PUM2: variants seen among roughly 807,000 people sequenced by gnomAD.
PUM2 encodes the protein pumilio homolog 2.
PUM2 carries 57 observed loss-of-function variants against 124.5 expected under a neutral mutation model. The ratio of observed to expected loss-of-function variants is 0.46; its 90% CI spans 0.37 to 0.57. PUM2 has a LOEUF of 0.57. Ranked by LOEUF, PUM2 falls within the 20% of genes least tolerant of loss-of-function variation. PUM2 has a pLI of 0.00. For missense variants in PUM2, 1,065 were observed against 1,290.6 expected (o/e 0.83, Z 2.68); for synonymous variants, 460 against 446.1 (o/e 1.03, Z -0.39).
At chr2:20,315,057 C>T (rs1285364884) in intron 3 of PUM2, among the ~76,000 whole-genome samples, 1 of 99,052 alleles carries the variant, frequency 1.0e-5, no homozygotes, top group Non-Finnish European at 1.9e-5. Context: ...AGGAAGTGTG[C>T]TTCTTTTTTT....
At chr2:20,251,758 A>T in intron 20 of PUM2, 42 bp from the exon 21 acceptor site, 2 of 1,595,354 alleles carry the variant, frequency 1.3e-6, no homozygotes, top group Non-Finnish European at 1.7e-6. Context: ...AAGTCATTTT[A>T]GTTTCTGATT....
At chr2:20,340,922 A>C (rs1687099763) in intron 1 of PUM2, among the ~76,000 whole-genome samples, 1 of 152,224 alleles carries the variant, frequency 6.6e-6, no homozygotes, top group Admixed American at 6.5e-5. Context: ...GGCTGTTGCA[A>C]AGATTAAGTG....
At chr2:20,276,258 CT>C (rs36031998) in intron 13 of PUM2, among the ~76,000 whole-genome samples, 166 of 143,218 alleles carry the variant, frequency 1.2e-3, no homozygotes, top group African/African-American at 2.3e-3. Flanking sequence ...AAAATGAAAA[CT>C]TTTTTTTTTT....
chr2:20,336,754 G>A (rs1207202481), intron 1 of PUM2, among the ~76,000 whole-genome samples: 1 of 13,776 alleles, frequency 7.3e-5, no homozygotes, highest in Non-Finnish European at 1.7e-4. Context: ...TGATCTGTGT[G>A]TGTGTGTGTG....
intron 13 of PUM2, among the ~76,000 whole-genome samples, chr2:20,269,259 G>C (rs1572622949): frequency 1.3e-5 from 2 of 152,170 alleles, no homozygotes; most frequent in East Asian, 3.9e-4. Flanking sequence ...GGAGTGCAGT[G>C]GCACGGTCTC....
In PUM2 at chr2:20,283,367, T is replaced by C; in HGVS notation, c.1411A>G (p.Ile471Val). The change falls in exon 11 of 21, where the codon ATT (isoleucine) becomes GTT (valine). Residue 471 changes from isoleucine (I) to valine (V), a missense_variant. By Grantham distance (29) the Ile-to-Val change is conservative (BLOSUM62 3). Around this residue, in one of 3 missense-constraint regions of PUM2, gnomAD observed 968 missense variants for 1,159.8 expected, o/e 0.83. Transcript: ENST00000361078. ...CCAGCTTGTGCTGCTGCTGAACTAA[T>C]TAAAACAGGTGTTGGAGCCATTAAC... ...VRLMAPTPVL[I>V]SSAAAQAAAA... The C allele has an allele frequency of 6.2e-7, 1 of 1,614,088 alleles. No homozygotes were observed. Among genetic ancestry groups the C allele is most frequent in the Non-Finnish European group, 8.5e-7 (1 of 1,180,026 alleles).
chr2:20,297,308 T>C (rs1417337012), intron 8 of PUM2, among the ~76,000 whole-genome samples: 2 of 152,238 alleles, frequency 1.3e-5, no homozygotes, highest in Non-Finnish European at 2.9e-5. Flanking sequence ...TATAGATTTC[T>C]AAAACTATAA....
intron 16 of PUM2, among the ~76,000 whole-genome samples, chr2:20,256,552 C>T (rs1664808612): frequency 6.6e-6 from 1 of 152,208 alleles, no homozygotes; most frequent in Non-Finnish European, 1.5e-5. Flanking sequence ...TTCAGAATTA[C>T]ACACTTCCGC....
chr2:20,329,188 A>G (rs1029697583), intron 1 of PUM2, among the ~76,000 whole-genome samples: 1 of 151,636 alleles, frequency 6.6e-6, no homozygotes, highest in Non-Finnish European at 1.5e-5. Flanking sequence ...AAAAAAAAAA[A>G]AAAAGATAAG....
At chr2:20,261,343 G>A (rs990955437) in intron 14 of PUM2, among the ~76,000 whole-genome samples, 2 of 131,936 alleles carry the variant, frequency 1.5e-5, no homozygotes, top group Non-Finnish European at 3.1e-5. Context: ...GCAGTGAGCC[G>A]AGATCATGCC....
At chr2:20,340,464 G>A (rs1341067365) in intron 1 of PUM2, among the ~76,000 whole-genome samples, 2 of 152,164 alleles carry the variant, frequency 1.3e-5, no homozygotes, top group African/African-American at 2.4e-5. Flanking sequence ...GATGTAGTCT[G>A]GAAACTCTTC....
At chr2:20,317,124 A>G (rs1681144680) in intron 3 of PUM2, among the ~76,000 whole-genome samples, 1 of 152,024 alleles carries the variant, frequency 6.6e-6, no homozygotes, top group African/African-American at 2.4e-5. Context: ...TTTAGCCCAA[A>G]AGCTTGAGAC....
intron 19 of PUM2, 107 bp from the exon 20 acceptor site, chr2:20,254,121 A>G (rs1664176996): frequency 1.1e-6 from 1 of 930,968 alleles, no homozygotes; most frequent in Non-Finnish European, 1.6e-6. Flanking sequence ...AACAGAAGTC[A>G]GGATGGGATT....
intron 7 of PUM2, among the ~76,000 whole-genome samples, 174 bp downstream of exon 7, chr2:20,307,801 AAAT>A (rs1351356615): frequency 6.6e-6 from 1 of 152,248 alleles, no homozygotes; most frequent in African/African-American, 2.4e-5. Context: ...CCAGTGATGC[AAAT>A]AATAATCAGA....
At chr2:20,348,857 A>C (rs768774822) in intron 1 of PUM2, among the ~76,000 whole-genome samples, 3 of 152,234 alleles carry the variant, frequency 2.0e-5, no homozygotes, top group Non-Finnish European at 2.9e-5. Context: ...GCAGCCCGGG[A>C]CGCGGAGGCT....
At chr2:20,315,161 A>G (rs542971537) in intron 3 of PUM2, among the ~76,000 whole-genome samples, 1 of 151,518 alleles carries the variant, frequency 6.6e-6, no homozygotes, top group East Asian at 1.9e-4. Context: ...TTGACCTCCT[A>G]AAGTGCTGCA....
intron 10 of PUM2, among the ~76,000 whole-genome samples, chr2:20,284,547 A>AG (rs1267596129): frequency 6.6e-5 from 10 of 151,908 alleles, no homozygotes; most frequent in Non-Finnish European, 1.5e-4. Context: ...CTACAGAAAT[A>AG]GGGCCTCACT....
chr2:20,260,745 CTGCTTATT>C (rs1665992939), intron 14 of PUM2, among the ~76,000 whole-genome samples: 1 of 152,074 alleles, frequency 6.6e-6, no homozygotes, highest in African/African-American at 2.4e-5. Flanking sequence ...GTAAATTTTG[CTGCTTATT>C]CATTTATTTT....
rs1191227194 is a variant in PUM2, at chr2:20,290,522, A to T, written c.1291+130T>A. ...TACTGATTTCAATTATTAGCATCTG[A>T]GTTCTAAATATTTTGTTACAAGGTA... On this transcript the variant is annotated intron_variant, in intron 10 of 20. Transcript: ENST00000361078. The T allele has an allele frequency of 3.3e-6, 3 of 905,604 alleles. No homozygotes were observed. The East Asian group carries it at 8.2e-5, about 25-fold the overall frequency. 56.1% of individuals were successfully genotyped at this position (905,604 alleles called of 1,614,324 possible). A position where few individuals can be genotyped will look rare whatever the true frequency, so the allele number is the denominator to read the frequency against.
Sources: allele counts gnomAD v4.1 joint callset (sites outside exome capture counted in the v4.1 genomes callset), GRCh38; gene constraint gnomAD v4.1.1; regional missense constraint gnomAD v4.1.1; transcripts MANE v1.5; gene names NCBI Gene and HGNC (gene_info 2026-07-23, HGNC 2026-07-21).